Variants in GPM6A observed in about 807,000 individuals in gnomAD.
GPM6A encodes neuronal membrane glycoprotein M6-a.
Under a neutral mutation model 32.1 loss-of-function variants are expected in GPM6A, and 7 were observed. The ratio of observed to expected loss-of-function variants is 0.22; its 90% CI spans 0.12 to 0.41. The LOEUF (loss-of-function observed/expected upper bound fraction) is 0.41. GPM6A is among the 10% of genes least tolerant of loss of function. The pLI is 1.00. For synonymous variants in GPM6A, 130 were observed against 123.4 expected (o/e 1.05, Z -0.35); for missense variants, 235 against 347.2 (o/e 0.68, Z 2.57).
chr4:175,927,517 C>T (rs890051239), intron 1 of GPM6A, among the ~76,000 whole-genome samples: 1 of 152,254 alleles, frequency 6.6e-6, no homozygotes, highest in Admixed American at 6.5e-5. Flanking sequence ...CACATATCCT[C>T]ATGCTTTATC....
intron 1 of GPM6A, among the ~76,000 whole-genome samples, chr4:175,886,419 C>A (rs931134194): frequency 2.6e-5 from 4 of 152,080 alleles, no homozygotes; most frequent in African/African-American, 9.7e-5. Context: ...AATTGCCTTT[C>A]AAGAAAGAGT....
intron 1 of GPM6A, among the ~76,000 whole-genome samples, chr4:175,976,196 G>A (rs1164294812): frequency 1.4e-5 from 2 of 141,974 alleles, no homozygotes; most frequent in African/African-American, 5.2e-5. Flanking sequence ...GTCTTCCTGT[G>A]TCGCCCAGGC....
chr4:175,786,215 T>A lies in GPM6A; in HGVS notation c.37+25976A>T, dbSNP rs144542563. Among the ~76,000 whole-genome samples the A allele has an allele frequency of 1.8e-4, 28 of 152,132 alleles. No homozygotes were observed. In the East Asian group the frequency reaches 4.6e-3, roughly 25 times the overall value. On this transcript the variant is annotated intron_variant, in intron 1 of 6. Transcript: ENST00000393658. ...ACTGGGACACTACAAACACCATGAA[T>A]TGAGAATGTTTAAAATCTCAGGTAG...
At chr4:175,954,120 G>A (rs1192324902) in intron 1 of GPM6A, among the ~76,000 whole-genome samples, 3 of 152,136 alleles carry the variant, frequency 2.0e-5, no homozygotes, top group Non-Finnish European at 4.4e-5. Context: ...ATAGTCTAGG[G>A]CTGAGCTGTC....
chr4:175,956,004 C>T (rs61071239), intron 1 of GPM6A, among the ~76,000 whole-genome samples: 156 of 152,256 alleles, frequency 1.0e-3, no homozygotes, highest in African/African-American at 3.6e-3. Flanking sequence ...GAACCCTCAC[C>T]AGAGACCCAG....
chr4:175,639,460 TACAA>T (rs1741009042), intron 6 of GPM6A, among the ~76,000 whole-genome samples: 1 of 152,152 alleles, frequency 6.6e-6, no homozygotes, highest in Non-Finnish European at 1.5e-5. Flanking sequence ...TCCTCAAGGA[TACAA>T]ACAAAGACTG....
At chr4:175,833,758 A>G (rs74719387) in intron 1 of GPM6A, among the ~76,000 whole-genome samples, 1,900 of 152,172 alleles carry the variant, frequency 0.012, 48 homozygotes, top group African/African-American at 0.044. Context: ...ACCAGTCACA[A>G]ATTATTTTGG....
At chr4:175,854,710 G>A (rs2111408578) in intron 1 of GPM6A, among the ~76,000 whole-genome samples, 2 of 152,310 alleles carry the variant, frequency 1.3e-5, no homozygotes, top group Middle Eastern at 3.4e-3. Context: ...AGAATACGGA[G>A]AGACCTAGAC....
chr4:175,855,201 C>T (rs370196813), intron 1 of GPM6A, among the ~76,000 whole-genome samples: 35 of 152,206 alleles, frequency 2.3e-4, no homozygotes, highest in Admixed American at 9.8e-4. Flanking sequence ...GGAAAATATA[C>T]TCTCAAAAAG....
At chr4:175,924,564 G>A (rs1738770205) in intron 1 of GPM6A, among the ~76,000 whole-genome samples, 1 of 152,202 alleles carries the variant, frequency 6.6e-6, no homozygotes, top group African/African-American at 2.4e-5. Flanking sequence ...CTGAGGCCAA[G>A]TGGGATGGCT....
At chr4:175,847,848 G>C (rs1736136756) in intron 1 of GPM6A, among the ~76,000 whole-genome samples, 1 of 152,142 alleles carries the variant, frequency 6.6e-6, no homozygotes, top group Non-Finnish European at 1.5e-5. Flanking sequence ...AAGTGCTTTA[G>C]GATGTAAAAG....
intron 1 of GPM6A, among the ~76,000 whole-genome samples, chr4:175,870,701 A>G (rs1736879766): frequency 6.6e-6 from 1 of 152,076 alleles, no homozygotes; most frequent in African/African-American, 2.4e-5. Flanking sequence ...CTCTTTGGGA[A>G]AACTATCTCT....
chr4:175,835,219 T>G (rs1735727466), intron 1 of GPM6A, among the ~76,000 whole-genome samples: 1 of 152,200 alleles, frequency 6.6e-6, no homozygotes, highest in Non-Finnish European at 1.5e-5. Context: ...CATGAGAATA[T>G]CATACACTAA....
At chr4:175,996,195 C>T (rs1432179732) in intron 1 of GPM6A, among the ~76,000 whole-genome samples, 3 of 152,050 alleles carry the variant, frequency 2.0e-5, no homozygotes, top group African/African-American at 7.2e-5. Context: ...AGAAAGGCCT[C>T]GATTTTTTGT....
chr4:175,822,584 G>A (rs1408222958), intron 1 of GPM6A, among the ~76,000 whole-genome samples: 1 of 151,590 alleles, frequency 6.6e-6, no homozygotes, highest in African/African-American at 2.4e-5. Flanking sequence ...CAGATCTATT[G>A]GAAAATGTTA....
chr4:175,989,560 T>A (rs1461763664), intron 1 of GPM6A, among the ~76,000 whole-genome samples: 1 of 152,150 alleles, frequency 6.6e-6, no homozygotes, highest in Admixed American at 6.6e-5. Context: ...AATCATGTGA[T>A]CTTTTTAAAA....
intron 1 of GPM6A, among the ~76,000 whole-genome samples, chr4:175,782,863 C>T (rs992235215): frequency 1.3e-5 from 2 of 151,888 alleles, no homozygotes; most frequent in Admixed American, 6.6e-5. Context: ...TCTTTATATA[C>T]CATCATTTTA....
At chr4:175,698,624 T>C (rs1364140061) in intron 2 of GPM6A, among the ~76,000 whole-genome samples, 1 of 152,212 alleles carries the variant, frequency 6.6e-6, no homozygotes, top group Non-Finnish European at 1.5e-5. Flanking sequence ...TCCCTCTGTG[T>C]TTTCATGAAC....
chr4:175,940,671 C>T (rs756181832), intron 1 of GPM6A, among the ~76,000 whole-genome samples: 9 of 151,980 alleles, frequency 5.9e-5, no homozygotes, highest in Non-Finnish European at 1.0e-4. Context: ...TGCAGTGGTG[C>T]GATCTCGGCT....
Sources: gnomAD v4.1 joint callset for allele counts (sites outside exome capture counted in the v4.1 genomes callset) on GRCh38, gnomAD v4.1.1 for gene constraint, MANE v1.5 for transcripts, NCBI Gene and HGNC (gene_info 2026-07-23, HGNC 2026-07-21) for gene names.